MSTO1: variants seen among roughly 807,000 people sequenced by gnomAD.
The protein encoded by MSTO1 is protein misato homolog 1.
A neutral mutation model predicts 55.7 loss-of-function variants in MSTO1; 24 were observed. The observed-to-expected ratio is 0.43, with a 90% confidence interval of 0.31 to 0.61. MSTO1 has a LOEUF of 0.61. Ranked by LOEUF, MSTO1 falls within the 20% of genes least tolerant of loss-of-function variation. The probability of loss-of-function intolerance (pLI) is 0.09; values close to 1 mark genes in which losing one functional copy is unlikely to be tolerated. For missense variants in MSTO1, 363 were observed against 625.7 expected, an observed-to-expected ratio of 0.58 and a Z score of 4.48; for synonymous variants, 162 against 252.8, an observed-to-expected ratio of 0.64 and a Z score of 3.41.
At chr1:155,602,891 C>T in the MSTO1 span, among the ~76,000 whole-genome samples, 2 of 152,046 alleles carry the variant, frequency 1.3e-5, no homozygotes, top group Non-Finnish European at 2.9e-5. Flanking sequence ...TGGAAAAATT[C>T]TTCTTTACCC....
chr1:155,594,889 C>G, the MSTO1 span, among the ~76,000 whole-genome samples: 3 of 152,130 alleles, frequency 2.0e-5, no homozygotes, highest in African/African-American at 7.2e-5. Context: ...GTAATCCAAG[C>G]ACTTTGGGAG....
chr1:155,568,482 A>C, the MSTO1 span, among the ~76,000 whole-genome samples: 1 of 152,056 alleles, frequency 6.6e-6, no homozygotes, highest in African/African-American at 2.4e-5. Flanking sequence ...TCTGTTGCCC[A>C]GGCTGGAGTG....
the MSTO1 span, chr1:155,563,822 C>T: frequency 2.9e-6 from 1 of 346,180 alleles, no homozygotes; most frequent in African/African-American, 2.1e-5. Flanking sequence ...AGCTCCTAGG[C>T]ATAGGGAAAG....
chr1:155,605,167 AAG>A, the MSTO1 span, among the ~76,000 whole-genome samples: 1 of 151,630 alleles, frequency 6.6e-6, no homozygotes, highest in Admixed American at 6.6e-5. Context: ...AGGCTGAGGC[AAG>A]AGAGTCACTT....
chr1:155,585,359 T>A, the MSTO1 span, among the ~76,000 whole-genome samples: 1 of 151,954 alleles, frequency 6.6e-6, no homozygotes, highest in Non-Finnish European at 1.5e-5. Flanking sequence ...CCGTCTCTAC[T>A]AAAAATACAA....
chr1:155,606,982 G>A (rs1345299894), upstream of MSTO1, among the ~76,000 whole-genome samples: 2 of 151,592 alleles, frequency 1.3e-5, no homozygotes, highest in East Asian at 1.9e-4. Context: ...TTACAGGCAC[G>A]CGCCACCTCG....
the MSTO1 span, among the ~76,000 whole-genome samples, chr1:155,588,828 T>G: frequency 6.6e-6 from 1 of 152,104 alleles, no homozygotes; most frequent in Non-Finnish European, 1.5e-5. Context: ...TAATTACAGA[T>G]TAGATTTCCT....
At position 155,613,038 on chromosome 1, in the gene MSTO1, C is replaced by T. The variant is rs781080415; in HGVS notation, c.1099-11C>T. The T allele has an allele frequency of 1.5e-5, 25 of 1,613,660 alleles. No homozygotes were observed. In the South Asian group the frequency reaches 2.6e-4, roughly 17 times the overall value. ...AAATGTCCTATAACGTGTTCTCTTC[C>T]ATCTCTTTAGGTGGTGACAGCAGGA... On this transcript the variant is annotated splice_polypyrimidine_tract_variant and intron_variant, in intron 10 of 13. Coordinates refer to ENST00000245564, the MANE Select transcript of MSTO1 (RefSeq NM_018116.4).
rs138597847 is a variant in MSTO1, at chr1:155,613,837, A to C, written c.1498+71A>C. ...TTTTACTATCTCCATTCCTGGATTA[A>C]AAGTGCTGAAAAAGTCCACAGTTAA... On this transcript the variant is annotated intron_variant, in intron 13 of 13. Transcript: ENST00000245564. 4,138 of 1,606,040 alleles carry C rather than the reference A, an allele frequency of 2.6e-3. 214 individuals carry two copies. In the East Asian group the frequency reaches 0.078, roughly 30 times the overall value.
the MSTO1 span, chr1:155,563,388 A>G: frequency 2.2e-6 from 1 of 456,290 alleles, no homozygotes; most frequent in Admixed American, 2.4e-5. Flanking sequence ...GGGACTCCGG[A>G]CCTCCAGGAG....
At chr1:155,585,688 T>C in the MSTO1 span, among the ~76,000 whole-genome samples, 933 of 152,244 alleles carry the variant, frequency 6.1e-3, 10 homozygotes, top group African/African-American at 0.022. Context: ...TTAAGTATTT[T>C]CAGCATGCAA....
the MSTO1 span, among the ~76,000 whole-genome samples, chr1:155,599,628 T>C: frequency 1.3e-5 from 2 of 152,128 alleles, no homozygotes; most frequent in African/African-American, 4.8e-5. Context: ...AGACAAAGTA[T>C]GGAGAAAGAA....
chr1:155,586,323 G>A, the MSTO1 span, among the ~76,000 whole-genome samples: 7 of 151,620 alleles, frequency 4.6e-5, no homozygotes, highest in East Asian at 1.9e-4. Context: ...GATTACAGGC[G>A]TGAGCCACCA....
the MSTO1 span, among the ~76,000 whole-genome samples, chr1:155,591,753 G>A: frequency 1.3e-5 from 2 of 151,480 alleles, no homozygotes; most frequent in African/African-American, 4.9e-5. Context: ...TCACACCATT[G>A]CACTCCAGCC....
At chr1:155,598,593 A>G in the MSTO1 span, among the ~76,000 whole-genome samples, 5 of 152,086 alleles carry the variant, frequency 3.3e-5, no homozygotes, top group Non-Finnish European at 5.9e-5. Flanking sequence ...GTGGTGGTAC[A>G]CACCTGTAAT....
chr1:155,610,594 AT>A, intron 2 of MSTO1, 34 bp downstream of exon 2: 1 of 1,074,470 alleles, frequency 9.3e-7, no homozygotes, highest in Admixed American at 2.3e-5. Context: ...GATGCCCCTT[AT>A]TTCCCTTCCG....
the MSTO1 span, among the ~76,000 whole-genome samples, chr1:155,589,309 A>T: frequency 6.6e-6 from 1 of 152,006 alleles, no homozygotes; most frequent in Non-Finnish European, 1.5e-5. Context: ...AAAAAAAAAA[A>T]ATTTACTCTT....
Position 155,614,587 on chromosome 1 carries a change from G to A in MSTO1, c.*314G>A, listed in dbSNP as rs901841270. Reference sequence around the variant, plus strand: ...GGTCCTACTCCATCCTCCAGCCTTTGTCCTTGTCCTGGCCTCCTGCTCTCC... The same window carrying A: ...GGTCCTACTCCATCCTCCAGCCTTTATCCTTGTCCTGGCCTCCTGCTCTCC... On this transcript the variant is annotated 3_prime_UTR_variant, in exon 14 of 14. Coordinates refer to ENST00000245564, the MANE Select transcript of MSTO1 (RefSeq NM_018116.4). The A allele has an allele frequency of 6.3e-6, 4 of 633,758 alleles. No homozygotes were observed. The highest frequency in any genetic ancestry group is 1.9e-5 in the South Asian group (1 of 52,408). 39.3% of individuals were successfully genotyped at this position (633,758 alleles called of 1,614,324 possible).
chr1:155,610,091 A>C, upstream of MSTO1: 1 of 711,078 alleles, frequency 1.4e-6, no homozygotes, highest in South Asian at 1.8e-5. Context: ...AGGAAGAGGT[A>C]GGAAGGGATC....
Sources: allele counts gnomAD v4.1 joint callset (sites outside exome capture counted in the v4.1 genomes callset), GRCh38; gene constraint gnomAD v4.1.1; transcripts MANE v1.5; gene names NCBI Gene and HGNC (gene_info 2026-07-23, HGNC 2026-07-21).